The following ASS1 variants were observed in gnomAD, a reference collection of about 807,000 sequenced individuals.
The protein encoded by ASS1 is argininosuccinate synthase 1, also known as argininosuccinate synthase.
Under a neutral mutation model 60.5 loss-of-function variants are expected in ASS1, and 58 were observed. The ratio of observed to expected loss-of-function variants is 0.96; its 90% confidence interval spans 0.78 to 1.19. ASS1 has a LOEUF of 1.19. ASS1 is among the 50% of genes most tolerant of loss of function. The pLI, the probability that ASS1 is intolerant of heterozygous loss-of-function variation, is 0.00. For missense variants in ASS1, 454 were observed against 547.3 expected, an observed-to-expected ratio of 0.83 and a Z score of 1.70; for synonymous variants, 200 against 206.9, an observed-to-expected ratio of 0.97 and a Z score of 0.29.
chr9:130,450,407 G>C, intron 1 of ASS1: 1 of 934,600 alleles, frequency 1.1e-6, no homozygotes, highest in Non-Finnish European at 1.3e-6. Context: ...CAATTGCCTG[G>C]CTGCAGTTGC....
At chr9:130,445,048 C>T (rs1845162443) in intron 1 of ASS1, 53 bp downstream of exon 1, 1 of 672,662 alleles carries the variant, frequency 1.5e-6, no homozygotes, top group Non-Finnish European at 1.8e-6. Flanking sequence ...AGAGCACCCG[C>T]TTCCCGGGCC....
chr9:130,448,415 TGC>T (rs745523284), intron 1 of ASS1, among the ~76,000 whole-genome samples: 7 of 135,578 alleles, frequency 5.2e-5, no homozygotes, highest in Non-Finnish European at 9.6e-5. Flanking sequence ...CACAGGTGTG[TGC>T]GCGCGCACAC....
At position 130,470,042 on chromosome 9, in the gene ASS1, T is replaced by C. The variant is rs983428696; in HGVS notation, c.496-792T>C. 3.9e-5 allele frequency among the ~76,000 whole-genome samples: 6 copies of C among 152,128 alleles called. No homozygotes were observed. Among genetic ancestry groups the C allele is most frequent in the Non-Finnish European group, 7.4e-5 (5 of 68,018 alleles). ...CAGGTGTCCGAGTGCAGGAGGAGGCTGGAGTGCACGAGCTGGATTCCAGTC... is the reference window on the plus strand; with the variant it reads ...CAGGTGTCCGAGTGCAGGAGGAGGCCGGAGTGCACGAGCTGGATTCCAGTC... On this transcript the variant is annotated intron_variant, in intron 6 of 14. Coordinates refer to ENST00000352480, the MANE Select transcript of ASS1 (RefSeq NM_054012.4). This position sits in a 1 kb window ranked among gnomAD's most constrained non-coding sequence, Gnocchi z 4.3.
At chr9:130,458,336 G>A (rs1845495761) in intron 3 of ASS1, 65 bp from the exon 4 acceptor site, 1 of 1,603,880 alleles carries the variant, frequency 6.2e-7, no homozygotes, top group East Asian at 2.2e-5. Context: ...AGGCCCCTGG[G>A]GCTCTGTATG....
At chr9:130,498,753 G>A (rs945749622) in intron 13 of ASS1, among the ~76,000 whole-genome samples, 2 of 152,180 alleles carry the variant, frequency 1.3e-5, no homozygotes, top group African/African-American at 2.4e-5. Context: ...GGCGGGTGGC[G>A]GAAACAGGAC....
At chr9:130,450,986 C>G (rs919903709) in intron 1 of ASS1, among the ~76,000 whole-genome samples, 2 of 152,204 alleles carry the variant, frequency 1.3e-5, no homozygotes, top group Non-Finnish European at 2.9e-5. Context: ...AACCAGGAGG[C>G]CTGGGCCCAC....
rs1355715277 is a variant in ASS1 at position 130,471,509 on chromosome 9, C to A, written c.591C>A (p.Asn197Lys). The stretch of plus-strand genomic sequence containing the variant: ...GCTACGAGGCTGGAATCCTGGAGAA[C>A]CCCAAGGTAATCCCCCAAACCCCAT... ...HISYEAGILENPKNQAPPGLY... is the reference protein window; with the variant it reads ...HISYEAGILEKPKNQAPPGLY... Residue 197 changes from asparagine (N) to lysine (K), a missense_variant, in exon 8 of 15, where the codon AAC (asparagine) becomes AAA (lysine). By Grantham distance (94) the Asn-to-Lys change is moderately conservative. Transcript: ENST00000352480. The A allele has an allele frequency of 5.0e-6, 8 of 1,614,070 alleles. No individual in the cohort carries two copies. The highest frequency in any genetic ancestry group is 1.3e-5 in the African/African-American group (1 of 75,046).
At chr9:130,467,160 G>T (rs1330820006) in intron 6 of ASS1, among the ~76,000 whole-genome samples, 1 of 152,078 alleles carries the variant, frequency 6.6e-6, no homozygotes, top group Non-Finnish European at 1.5e-5. Context: ...TGGGGGGATG[G>T]CTGGGGGATG....
At chr9:130,474,264 G>A (rs949705167) in intron 8 of ASS1, among the ~76,000 whole-genome samples, 1 of 152,064 alleles carries the variant, frequency 6.6e-6, no homozygotes, top group African/African-American at 2.4e-5. Context: ...TTATTTAATC[G>A]GCGCTGTCAG....
intron 6 of ASS1, among the ~76,000 whole-genome samples, chr9:130,467,785 A>G (rs2131883653): frequency 6.6e-6 from 1 of 152,302 alleles, no homozygotes; most frequent in East Asian, 1.9e-4. Context: ...TTTCATCTTT[A>G]AGAATAATGA....
At chr9:130,449,819 G>T (rs1021964379) in intron 1 of ASS1, among the ~76,000 whole-genome samples, 1 of 152,134 alleles carries the variant, frequency 6.6e-6, no homozygotes, top group African/African-American at 2.4e-5. Flanking sequence ...TCCGCACGCC[G>T]AAACTTGCTA....
rs1283977030 is a variant in ASS1, at chr9:130,491,330, T to A, written c.970+1866T>A. On this transcript the variant is annotated intron_variant, in intron 12 of 14. Transcript: ENST00000352480. The surrounding 1 kb of genome is among the most constrained non-coding windows in gnomAD (Gnocchi z 5.3). ...AGGAGAGAGCACCTGGCCGGGCTGC[T>A]CCGGGGCCTCCACGGAGGCTGATCC... is the stretch of plus-strand genomic sequence containing the variant. 6.6e-6 allele frequency among the ~76,000 whole-genome samples: 1 copy of A among 151,992 alleles called. No homozygotes were observed. Among genetic ancestry groups the A allele is most frequent in the Admixed American group, 6.6e-5 (1 of 15,258 alleles).
intron 5 of ASS1, 149 bp downstream of exon 5, chr9:130,464,316 G>A: frequency 1.0e-6 from 1 of 960,346 alleles, no homozygotes; most frequent in South Asian, 1.4e-5. Context: ...GCCTGCTGGG[G>A]AGGCTCCCTT....
Position 130,494,161 on chromosome 9 carries a change from G to C in ASS1, c.971-706G>C, listed in dbSNP as rs189281952. Among the ~76,000 whole-genome samples, 2 of 152,190 alleles carry C rather than the reference G, an allele frequency of 1.3e-5. No individual in the cohort carries two copies. The highest frequency in any genetic ancestry group is 6.5e-5 in the Admixed American group (1 of 15,282). On this transcript the variant is annotated intron_variant, in intron 12 of 14. Coordinates refer to ENST00000352480, the MANE Select transcript of ASS1 (RefSeq NM_054012.4). This position sits in a 1 kb window ranked among gnomAD's most constrained non-coding sequence, Gnocchi z 4.3. ...AGCTAGCCCAGATCAAAGCCTGAGC[G>C]CAGTGCTGCTTATCTATGCAGAAAT...
At chr9:130,450,793 A>C (rs1244372618) in intron 1 of ASS1, among the ~76,000 whole-genome samples, 1 of 152,226 alleles carries the variant, frequency 6.6e-6, no homozygotes, top group Non-Finnish European at 1.5e-5. Flanking sequence ...GCATCACTGC[A>C]ATGGTGATGG....
chr9:130,458,908 C>T (rs1243018949), intron 4 of ASS1, among the ~76,000 whole-genome samples: 1 of 152,218 alleles, frequency 6.6e-6, no homozygotes, highest in African/African-American at 2.4e-5. Flanking sequence ...CTGCGTGAGT[C>T]CCCCAGGGGA....
At chr9:130,498,014 G>C (rs760996855) in intron 13 of ASS1, among the ~76,000 whole-genome samples, 1 of 152,024 alleles carries the variant, frequency 6.6e-6, no homozygotes, top group Non-Finnish European at 1.5e-5. Flanking sequence ...GTGTGGAGGA[G>C]GGAGGAAGGG....
intron 12 of ASS1, among the ~76,000 whole-genome samples, chr9:130,493,658 G>A (rs1000414152): frequency 3.3e-5 from 5 of 152,176 alleles, no homozygotes; most frequent in South Asian, 2.1e-4. Flanking sequence ...GAGATCATGC[G>A]CCATCTGGCC....
chr9:130,500,921 G>C, intron 14 of ASS1, 55 bp from the exon 15 acceptor site: 1 of 1,572,496 alleles, frequency 6.4e-7, no homozygotes, highest in East Asian at 2.2e-5. Flanking sequence ...ATTGAACCCA[G>C]TGTGTGTTGT....
Sources: allele counts gnomAD v4.1 joint callset (sites outside exome capture counted in the v4.1 genomes callset), GRCh38; gene constraint gnomAD v4.1.1; non-coding constraint Gnocchi (gnomAD v3.1); transcripts MANE v1.5; gene names NCBI Gene and HGNC (gene_info 2026-07-23, HGNC 2026-07-21).